The following ZNF142 variants were observed in gnomAD, a reference collection of about 807,000 sequenced individuals.
ZNF142 encodes zinc finger protein 142 (clone pHZ-49).
In ZNF142, 96 loss-of-function variants were observed where a neutral mutation model predicts 132.1. The ratio of observed to expected loss-of-function variants is 0.73; its 90% confidence interval spans 0.62 to 0.86. The LOEUF (loss-of-function observed/expected upper bound fraction) is 0.86, where lower values mean the gene tolerates loss of function less well. Among genes scored for constraint, ZNF142 ranks in the 40% least tolerant of loss-of-function variants. The pLI, the probability that ZNF142 is intolerant of heterozygous loss-of-function variation, is 0.00. For missense variants in ZNF142, 2,163 were observed against 2,336.2 expected, an observed-to-expected ratio of 0.93 and a Z score of 1.53; for synonymous variants, 842 against 890.1, an observed-to-expected ratio of 0.95 and a Z score of 0.96.
rs573821231 is a variant in ZNF142 at position 218,644,418 on chromosome 2, G to A, written c.2698C>T (p.Leu900=). The A allele has an allele frequency of 4.3e-6, 7 of 1,614,096 alleles. No homozygotes were observed. The South Asian group carries it at 7.7e-5, about 18-fold the overall frequency. ...GTCACAGACTCCAGCTCTACTCCCAGGGCCTCTAGGTGTAGTGTGCAGCTG... is the reference window on the plus strand; with the variant it reads ...GTCACAGACTCCAGCTCTACTCCCAAGGCCTCTAGGTGTAGTGTGCAGCTG... The part of the protein sequence containing the change: ...EGSCTLHLEA[L]GVELESVTEP... The change falls in exon 9 of 11, where the codon CTG becomes TTG. Residue 900 remains leucine (L), a synonymous_variant. Transcript: ENST00000411696. This position sits in a 1 kb window ranked among gnomAD's most constrained non-coding sequence, Gnocchi z 4.6.
intron 10 of ZNF142, among the ~76,000 whole-genome samples, chr2:218,640,208 C>T (rs1224537788): frequency 6.6e-6 from 1 of 151,946 alleles, no homozygotes; most frequent in East Asian, 1.9e-4. Context: ...TAAGCACAGG[C>T]ACACGATTGT....
chr2:218,649,003 G>T lies in ZNF142; in HGVS notation c.1505C>A (p.Ala502Asp), dbSNP rs1411442944. 3.1e-6 allele frequency: 5 copies of T among 1,612,346 alleles called. No homozygotes were observed. The highest frequency in any genetic ancestry group is 4.2e-6 in the Non-Finnish European group (5 of 1,180,046). ...GGTCTCCTTCAGGTGCTTAATGAAG[G>T]CCTTGCGGTCGGGTGCTGCATAGCT... ...GCSYAAPDRK[A>D]FIKHLKETHG... The change falls in exon 7 of 11, where the codon GCC becomes GAC. Residue 502 changes from alanine (A) to aspartate (D), a missense_variant. By Grantham distance (126) the Ala-to-Asp change is moderately radical (BLOSUM62 -2). Around this residue, in one of 7 missense-constraint regions of ZNF142, gnomAD observed 749 missense variants for 830.3 expected, o/e 0.90. Coordinates refer to ENST00000411696, the MANE Select transcript of ZNF142 (RefSeq NM_001379659.1).
Position 218,646,295 on chromosome 2 carries a change from A to G in ZNF142, c.1927T>C (p.Tyr643His). Reference protein sequence around the residue: ...LCDFTCRDVSYLSKHMLTHSN... With the variant: ...LCDFTCRDVSHLSKHMLTHSN... ...TGGGTCAGCATGTGCTTGGATAGGT[A>G]GCTCACGTCTCGGCATGTGAAGTCA... The change falls in exon 8 of 11, where the codon TAC becomes CAC. Residue 643 changes from tyrosine (Y) to histidine (H), a missense_variant. Tyr to His is a moderately conservative substitution (Grantham distance 83). This residue lies in a region of ZNF142 where 749 missense variants were observed against 830.3 expected (regional missense o/e 0.90). Transcript: ENST00000411696. 3 of 1,614,204 alleles carry G rather than the reference A, an allele frequency of 1.9e-6. No homozygotes were observed. Among genetic ancestry groups the G allele is most frequent in the Non-Finnish European group, 2.5e-6 (3 of 1,180,040 alleles).
chr2:218,640,291 A>G (rs1041534377), intron 10 of ZNF142, among the ~76,000 whole-genome samples: 1 of 152,038 alleles, frequency 6.6e-6, no homozygotes, highest in Non-Finnish European at 1.5e-5. Context: ...GAACAGGAGA[A>G]TCCTTCACTT....
chr2:218,652,919 G>C (rs1207604292), intron 4 of ZNF142, among the ~76,000 whole-genome samples: 2 of 151,922 alleles, frequency 1.3e-5, no homozygotes, highest in African/African-American at 4.8e-5. Context: ...CATGACTCAA[G>C]GCCAGGTTTG....
At chr2:218,654,185 CT>C (rs1183929670) in intron 4 of ZNF142, among the ~76,000 whole-genome samples, 1 of 152,110 alleles carries the variant, frequency 6.6e-6, no homozygotes, top group East Asian at 1.9e-4. Context: ...ATTCCGGTGT[CT>C]TTGTGCATTC....
At chr2:218,650,561 A>T in intron 5 of ZNF142, 35 bp from the exon 6 acceptor site, 2 of 1,511,924 alleles carry the variant, frequency 1.3e-6, no homozygotes, top group Non-Finnish European at 1.8e-6. Context: ...AGTCTACAGG[A>T]GCCAATAACA....
chr2:218,648,428 T>G (rs1937639073), intron 7 of ZNF142, among the ~76,000 whole-genome samples: 1 of 152,258 alleles, frequency 6.6e-6, no homozygotes, highest in East Asian at 1.9e-4. Flanking sequence ...GCACAGGCTC[T>G]GGAATCAGAC....
intron 10 of ZNF142, 44 bp downstream of exon 10, chr2:218,640,620 G>C: frequency 1.3e-6 from 2 of 1,581,692 alleles, no homozygotes; most frequent in Non-Finnish European, 1.7e-6. Flanking sequence ...GTTTGCCAGG[G>C]AACAAAGGAA....
chr2:218,646,362 T>G lies in ZNF142; in HGVS notation c.1874-14A>C, dbSNP rs895509629. On this transcript the variant is annotated splice_polypyrimidine_tract_variant and intron_variant, in intron 7 of 10. Coordinates refer to ENST00000411696, the MANE Select transcript of ZNF142 (RefSeq NM_001379659.1). Reference sequence around the variant, plus strand: ...GGGGCTTCTCACCTTATATGGGGGATGCGGATGAAGGGAGAGAACACAGGT... The same window carrying G: ...GGGGCTTCTCACCTTATATGGGGGAGGCGGATGAAGGGAGAGAACACAGGT... 1 of 1,613,492 alleles carries G rather than the reference T, an allele frequency of 6.2e-7. No individual in the cohort carries two copies. The highest frequency in any genetic ancestry group is 8.5e-7 in the Non-Finnish European group (1 of 1,179,712).
intron 4 of ZNF142, among the ~76,000 whole-genome samples, chr2:218,654,553 G>T: frequency 6.6e-6 from 1 of 151,906 alleles, no homozygotes. Flanking sequence ...CTTAGCAGAG[G>T]TGGGGTTTCA....
At chr2:218,655,401 G>A (rs1314107097) in intron 4 of ZNF142, among the ~76,000 whole-genome samples, 1 of 152,148 alleles carries the variant, frequency 6.6e-6, no homozygotes, top group Non-Finnish European at 1.5e-5. Flanking sequence ...AAAATAAGAG[G>A]TGAGGATAAT....
chr2:218,643,313 A>C lies in ZNF142; in HGVS notation c.3803T>G (p.Val1268Gly), dbSNP rs1306088289. The C allele has an allele frequency of 1.9e-6, 3 of 1,614,130 alleles. No homozygotes were observed. The highest frequency in any genetic ancestry group is 3.3e-4 in the Middle Eastern group (2 of 6,062). ...AGAGTCCCCATTGCTCAACGGGGAC[A>C]CATCAGGCTGGGTCTGGGGGGTCCC... Reference protein sequence around the residue: ...KRGTPQTQPDVSPLSNGDSAP... With the variant: ...KRGTPQTQPDGSPLSNGDSAP... The change falls in exon 9 of 11, where the codon GTG becomes GGG. Residue 1268 changes from valine to glycine, a missense_variant. Val to Gly is a moderately radical substitution (Grantham distance 109). Transcript: ENST00000411696.
In ZNF142 at chr2:218,634,413, G is replaced by GC; in HGVS notation, c.*3925dup. The GC allele has an allele frequency of 6.3e-7, 1 of 1,591,772 alleles. No homozygotes were observed. The highest frequency in any genetic ancestry group is 2.2e-5 in the East Asian group (1 of 44,678). Reference sequence around the variant, plus strand: ...AACTCCCTGAAAGAGGGGCTGGAAGGCCTCCATGGTGAATCTTGCTCTTCT... The same window carrying GC: ...AACTCCCTGAAAGAGGGGCTGGAAGGCCCTCCATGGTGAATCTTGCTCTTCT... On this transcript the variant is annotated 3_prime_UTR_variant, in exon 11 of 11. Transcript: ENST00000411696. The surrounding 1 kb of genome is among the most constrained non-coding windows in gnomAD (Gnocchi z 4.0).
At position 218,656,437 on chromosome 2, in the gene ZNF142, G is replaced by A. The variant is rs1938509645; in HGVS notation, c.-8C>T. On this transcript the variant is annotated 5_prime_UTR_variant, in exon 4 of 11. Transcript: ENST00000411696. The stretch of plus-strand genomic sequence containing the variant: ...CAAAAGGGGGTCTGTCATCACCACC[G>A]ACTTGTGTGTTTTGGCTTCTTAAAT... 2 of 1,405,342 alleles carry A rather than the reference G, an allele frequency of 1.4e-6. No individual in the cohort carries two copies. The highest frequency in any genetic ancestry group is 1.9e-6 in the Non-Finnish European group (2 of 1,070,618). 87.1% of individuals were successfully genotyped at this position (1,405,342 alleles called of 1,614,324 possible).
chr2:218,646,250 T>G lies in ZNF142; in HGVS notation c.1972A>C (p.Met658Leu), dbSNP rs749434225. The G allele has an allele frequency of 1.9e-6, 3 of 1,614,104 alleles. No homozygotes were observed. Among genetic ancestry groups the G allele is most frequent in the African/African-American group, 1.3e-5 (1 of 74,936 alleles). ...GTGACATAGCCACATTCAGTGCACA[T>G]GTAATCCTTGGTGTTGGAGTGGGTC... The part of the protein sequence containing the change: ...MLTHSNTKDY[M>L]CTECGYVTKW... The change falls in exon 8 of 11, where the codon ATG becomes CTG. Residue 658 changes from methionine to leucine, a missense_variant. Around this residue, in one of 7 missense-constraint regions of ZNF142, gnomAD observed 749 missense variants for 830.3 expected, o/e 0.90. Transcript: ENST00000411696.
chr2:218,652,193 G>T lies in ZNF142; in HGVS notation c.388C>A (p.Pro130Thr), dbSNP rs1225365326. The change falls in exon 5 of 11, where the codon CCT becomes ACT. Residue 130 changes from proline (P) to threonine (T), a missense_variant. Transcript: ENST00000411696. ...GGGGGGCTAGAGAGGCCCTGCACAGGCTGTATATGGGTCTCACTGCACTGG... is the reference window on the plus strand; with the variant it reads ...GGGGGGCTAGAGAGGCCCTGCACAGTCTGTATATGGGTCTCACTGCACTGG... ...LHQCSETHIQ[P>T]VQGLSSPPCS... 1 of 456,566 alleles carries T rather than the reference G, an allele frequency of 2.2e-6. No individual in the cohort carries two copies. The highest frequency in any genetic ancestry group is 1.5e-5 in the South Asian group (1 of 64,560). The allele number at this position is 456,566 out of a possible 1,614,324, so 28.3% of individuals were successfully genotyped here. A position where few individuals can be genotyped will look rare whatever the true frequency, so the allele number is the denominator to read the frequency against.
intron 7 of ZNF142, among the ~76,000 whole-genome samples, chr2:218,647,654 C>T (rs1475844343): frequency 2.0e-5 from 3 of 152,070 alleles, no homozygotes; most frequent in African/African-American, 7.2e-5. Context: ...GTCAGTGATA[C>T]TCAGTGAGAA....
intron 7 of ZNF142, among the ~76,000 whole-genome samples, chr2:218,646,962 G>C (rs1697781955): frequency 6.6e-6 from 1 of 152,086 alleles, no homozygotes; most frequent in African/African-American, 2.4e-5. Flanking sequence ...CAACTACTCA[G>C]CCTAATTTTT....
Sources: gnomAD v4.1 joint callset for allele counts (sites outside exome capture counted in the v4.1 genomes callset) on GRCh38, gnomAD v4.1.1 for gene constraint, gnomAD v4.1.1 regional missense constraint, Gnocchi (gnomAD v3.1) non-coding constraint, MANE v1.5 for transcripts, NCBI Gene and HGNC (gene_info 2026-07-23, HGNC 2026-07-21) for gene names.